PRKG1: variants seen among roughly 807,000 people sequenced by gnomAD.
The protein encoded by PRKG1 is cGMP-dependent protein kinase 1.
In PRKG1, 35 loss-of-function variants were observed where a neutral mutation model predicts 88.1. The observed-to-expected ratio is 0.40, with a 90% CI of 0.30 to 0.53. The LOEUF is 0.53. Among genes scored for constraint, PRKG1 ranks in the 20% least tolerant of loss-of-function variants. PRKG1 has a pLI of 0.59. For synonymous variants in PRKG1, 303 were observed against 292.5 expected (o/e 1.04, Z -0.37); for missense variants, 540 against 839.8 (o/e 0.64, Z 4.41).
At chr10:52,150,019 G>T (rs1837857189) in intron 8 of PRKG1, among the ~76,000 whole-genome samples, 1 of 151,640 alleles carries the variant, frequency 6.6e-6, no homozygotes, top group African/African-American at 2.4e-5. Flanking sequence ...ATGGTGGTGG[G>T]TGCCTGTAAT....
chr10:52,047,343 T>C (rs1480591451), intron 5 of PRKG1, among the ~76,000 whole-genome samples: 1 of 152,166 alleles, frequency 6.6e-6, no homozygotes, highest in Non-Finnish European at 1.5e-5. Flanking sequence ...GGCCCATTTA[T>C]GACAACTTTT....
chr10:52,141,532 G>A (rs945668458), intron 8 of PRKG1, among the ~76,000 whole-genome samples: 1 of 152,086 alleles, frequency 6.6e-6, no homozygotes, highest in African/African-American at 2.4e-5. Flanking sequence ...CAGACATCTA[G>A]TATTTGGGGG....
intron 1 of PRKG1, among the ~76,000 whole-genome samples, chr10:51,135,312 G>A (rs1845661372): frequency 6.6e-6 from 1 of 152,150 alleles, no homozygotes; most frequent in Non-Finnish European, 1.5e-5. Flanking sequence ...CGTTTTTAAA[G>A]CAGGAGAGAG....
intron 1 of PRKG1, chr10:51,068,525 TCTTTA>T (rs1318694533): frequency 6.6e-6 from 1 of 152,068 alleles, no homozygotes; most frequent in Non-Finnish European, 1.5e-5. Context: ...ACTTCAGTTT[TCTTTA>T]CTTTAAATTT....
At chr10:51,753,458 C>T (rs1211514651) in intron 3 of PRKG1, among the ~76,000 whole-genome samples, 1 of 152,096 alleles carries the variant, frequency 6.6e-6, no homozygotes, top group Non-Finnish European at 1.5e-5. Flanking sequence ...AAAATGAAGA[C>T]ACTCGGTCGG....
intron 2 of PRKG1, among the ~76,000 whole-genome samples, chr10:51,155,092 C>T (rs555160752): frequency 6.6e-6 from 1 of 152,154 alleles, no homozygotes; most frequent in South Asian, 2.1e-4. Flanking sequence ...TATACTTTTA[C>T]TTCATCTGTT....
intron 7 of PRKG1, among the ~76,000 whole-genome samples, chr10:52,072,116 T>A (rs1291291677): frequency 1.3e-5 from 2 of 148,684 alleles, no homozygotes; most frequent in African/African-American, 4.9e-5. Context: ...CTTGGGACCC[T>A]TCTCTTTCCA....
chr10:51,310,146 G>A (rs1010434757), intron 2 of PRKG1, among the ~76,000 whole-genome samples: 1 of 152,146 alleles, frequency 6.6e-6, no homozygotes, highest in African/African-American at 2.4e-5. Flanking sequence ...TGGGTATAAT[G>A]TACATTGTTC....
At chr10:51,043,908 G>A (rs988953197) in intron 1 of PRKG1, among the ~76,000 whole-genome samples, 3 of 152,130 alleles carry the variant, frequency 2.0e-5, no homozygotes, top group Non-Finnish European at 4.4e-5. Flanking sequence ...GGACTGCTCA[G>A]TTATGTGCAG....
chr10:51,929,674 C>T (rs1045835023), intron 5 of PRKG1, among the ~76,000 whole-genome samples: 2 of 152,098 alleles, frequency 1.3e-5, no homozygotes, highest in Non-Finnish European at 2.9e-5. Context: ...AAATGTAAAA[C>T]ACAGAAAGTT....
At chr10:51,214,117 G>A (rs1235826268) in intron 2 of PRKG1, among the ~76,000 whole-genome samples, 1 of 152,128 alleles carries the variant, frequency 6.6e-6, no homozygotes, top group Non-Finnish European at 1.5e-5. Context: ...TTAGAAGAAT[G>A]GAATGTTAGT....
intron 10 of PRKG1, among the ~76,000 whole-genome samples, chr10:52,253,803 T>C (rs1427149977): frequency 6.6e-6 from 1 of 151,976 alleles, no homozygotes; most frequent in Non-Finnish European, 1.5e-5. Flanking sequence ...ACTGTAGATA[T>C]TACTGCTGAG....
At chr10:51,009,424 A>C (rs1446847863) in intron 1 of PRKG1, among the ~76,000 whole-genome samples, 1 of 152,200 alleles carries the variant, frequency 6.6e-6, no homozygotes, top group East Asian at 1.9e-4. Flanking sequence ...ACCTCAATCT[A>C]AGGTGCACAC....
intron 2 of PRKG1, among the ~76,000 whole-genome samples, chr10:51,291,635 G>T (rs1365509724): frequency 6.6e-6 from 1 of 152,060 alleles, no homozygotes; most frequent in Non-Finnish European, 1.5e-5. Flanking sequence ...CACCTAAGCC[G>T]CAAAACTTAA....
At chr10:51,176,066 T>C (rs912317482) in intron 2 of PRKG1, among the ~76,000 whole-genome samples, 2 of 152,146 alleles carry the variant, frequency 1.3e-5, no homozygotes. Context: ...AAGCCTATCA[T>C]TTGGAGAAGC....
intron 4 of PRKG1, among the ~76,000 whole-genome samples, chr10:51,876,781 TCA>T (rs1226715794): frequency 2.0e-5 from 3 of 152,148 alleles, no homozygotes; most frequent in African/African-American, 7.2e-5. Context: ...GGAGCACCAC[TCA>T]CCCAGAGACC....
intron 9 of PRKG1, among the ~76,000 whole-genome samples, chr10:52,196,858 G>T (rs1839518986): frequency 6.6e-6 from 1 of 152,078 alleles, no homozygotes; most frequent in African/African-American, 2.4e-5. Context: ...GTGTCATGCT[G>T]AATAAATCTA....
At chr10:52,019,066 T>C (rs1415009940) in intron 5 of PRKG1, among the ~76,000 whole-genome samples, 1 of 152,078 alleles carries the variant, frequency 6.6e-6, no homozygotes, top group African/African-American at 2.4e-5. Context: ...CTTCTCATGG[T>C]GAAAAAGTTA....
At chr10:51,111,648 G>A (rs1015504254) in intron 1 of PRKG1, among the ~76,000 whole-genome samples, 1 of 152,150 alleles carries the variant, frequency 6.6e-6, no homozygotes, top group Non-Finnish European at 1.5e-5. Context: ...GATGCAGGAT[G>A]CTTATAAGAG....
Sources: gnomAD v4.1 joint callset for allele counts (sites outside exome capture counted in the v4.1 genomes callset) on GRCh38, gnomAD v4.1.1 for gene constraint, MANE v1.5 for transcripts, NCBI Gene and HGNC (gene_info 2026-07-23, HGNC 2026-07-21) for gene names.